CRYBG1: variants seen among roughly 807,000 people sequenced by gnomAD.
CRYBG1 encodes crystallin beta-gamma domain containing 1, also known as beta/gamma crystallin domain-containing protein 1.
CRYBG1 carries 139 observed loss-of-function variants against 189.2 expected under a neutral mutation model. The observed-to-expected ratio is 0.73, with a 90% confidence interval of 0.64 to 0.85. The LOEUF is 0.85. CRYBG1 is among the 40% of genes least tolerant of loss of function. The pLI is 0.00. For missense variants in CRYBG1, 2,611 were observed against 2,675.8 expected, an observed-to-expected ratio of 0.98 and a Z score of 0.53; for synonymous variants, 1,023 against 1,017.1, an observed-to-expected ratio of 1.01 and a Z score of -0.11.
At chr6:106,506,140 C>A (rs544454153) in intron 2 of CRYBG1, among the ~76,000 whole-genome samples, 7 of 152,168 alleles carry the variant, frequency 4.6e-5, no homozygotes, top group South Asian at 2.1e-4. Context: ...AAGTTTTAGG[C>A]AGATAAGATT....
chr6:106,402,758 A>C (rs1421495000), intron 1 of CRYBG1, among the ~76,000 whole-genome samples: 1 of 152,152 alleles, frequency 6.6e-6, no homozygotes, highest in Non-Finnish European at 1.5e-5. Context: ...ACATGTCAGG[A>C]AGGGTGACCC....
intron 1 of CRYBG1, among the ~76,000 whole-genome samples, chr6:106,361,529 C>T (rs1027526339): frequency 2.6e-5 from 4 of 152,044 alleles, no homozygotes; most frequent in Non-Finnish European, 5.9e-5. Context: ...ATGTTATACC[C>T]CCATTCTCCT....
intron 2 of CRYBG1, among the ~76,000 whole-genome samples, chr6:106,471,655 A>G (rs1413131729): frequency 6.6e-6 from 1 of 152,120 alleles, no homozygotes; most frequent in Non-Finnish European, 1.5e-5. Context: ...AGCACTAACA[A>G]CAAGGTGACA....
intron 1 of CRYBG1, among the ~76,000 whole-genome samples, chr6:106,441,581 A>C (rs914912309): frequency 6.6e-6 from 1 of 152,230 alleles, no homozygotes; most frequent in African/African-American, 2.4e-5. Flanking sequence ...ACACCAGTTA[A>C]TTGAACTAAT....
intron 6 of CRYBG1, among the ~76,000 whole-genome samples, chr6:106,526,964 C>G (rs772260670): frequency 9.4e-6 from 1 of 106,838 alleles, no homozygotes; most frequent in Non-Finnish European, 2.0e-5. Flanking sequence ...AAAAAAGAGA[C>G]AAAAAAAAAA....
At chr6:106,376,830 T>C (rs1770173961) in intron 1 of CRYBG1, among the ~76,000 whole-genome samples, 1 of 152,184 alleles carries the variant, frequency 6.6e-6, no homozygotes, top group South Asian at 2.1e-4. Context: ...ACGCTCTTTA[T>C]ATTTTAGGTT....
chr6:106,415,011 T>G (rs990830309), intron 1 of CRYBG1, among the ~76,000 whole-genome samples: 1 of 152,182 alleles, frequency 6.6e-6, no homozygotes, highest in Admixed American at 6.5e-5. Context: ...CCTCTTCTTT[T>G]TTTTCACATA....
intron 19 of CRYBG1, 97 bp from the exon 20 acceptor site, chr6:106,561,245 T>A (rs1436212058): frequency 3.9e-5 from 51 of 1,317,112 alleles, no homozygotes; most frequent in Non-Finnish European, 5.4e-5. Context: ...TTACCCTTAA[T>A]CCATATCTCA....
chr6:106,520,158 G>T lies in CRYBG1; in HGVS notation c.2950G>T (p.Val984Leu). ...CCCAGAGAGCTCTGAAGTTAGAGAA[G>T]TGCAGTTGCCAACTTGTCACAGTAA... ...VIPESSEVREVQLPTCHSNEP... is the reference protein window; with the variant it reads ...VIPESSEVRELQLPTCHSNEP... The change falls in exon 4 of 22, where the codon GTG (valine) becomes TTG (leucine). Residue 984 changes from valine (V) to leucine (L), a missense_variant. Coordinates refer to ENST00000633556, the MANE Select transcript of CRYBG1 (RefSeq NM_001371242.2). 1 of 1,614,134 alleles carries T rather than the reference G, an allele frequency of 6.2e-7. No individual in the cohort carries two copies. Among genetic ancestry groups the T allele is most frequent in the Non-Finnish European group, 8.5e-7 (1 of 1,180,030 alleles).
At chr6:106,556,107 T>C (rs905091803) in intron 17 of CRYBG1, among the ~76,000 whole-genome samples, 8 of 152,204 alleles carry the variant, frequency 5.3e-5, no homozygotes, top group Non-Finnish European at 8.8e-5. Flanking sequence ...AATCCTCATA[T>C]GCATATCCCT....
In CRYBG1 at chr6:106,520,248, C is replaced by T. The variant is rs1474053385; in HGVS notation, c.3040C>T (p.His1014Tyr). The change falls in exon 4 of 22, where the codon CAC becomes TAC. Residue 1014 changes from histidine to tyrosine, a missense_variant. Around this residue, in one of 3 missense-constraint regions of CRYBG1, gnomAD observed 1,622 missense variants for 1,735.0 expected, o/e 0.93. Transcript: ENST00000633556. ...PPQEEVLGNE[H>Y]SHCTAELAAK... ...ACAAGAGGAAGTACTGGGCAATGAA[C>T]ACTCTCATTGCACAGCAGAGCTCGC... 4 of 1,614,040 alleles carry T rather than the reference C, an allele frequency of 2.5e-6. No homozygotes were observed. The African/African-American group carries it at 4.0e-5, about 16-fold the overall frequency.
At chr6:106,558,753 A>G in intron 18 of CRYBG1, 128 bp downstream of exon 18, 2 of 718,108 alleles carry the variant, frequency 2.8e-6, no homozygotes, top group East Asian at 3.1e-5. Context: ...ATTTGAATCC[A>G]GGGATTCAAG....
chr6:106,531,493 C>T (rs1773874281), intron 8 of CRYBG1, among the ~76,000 whole-genome samples: 1 of 152,056 alleles, frequency 6.6e-6, no homozygotes, highest in Non-Finnish European at 1.5e-5. Context: ...GAAGAACTTT[C>T]TGATGGTTAA....
intron 2 of CRYBG1, among the ~76,000 whole-genome samples, chr6:106,504,692 C>T (rs1288110151): frequency 1.3e-5 from 2 of 151,712 alleles, no homozygotes; most frequent in East Asian, 3.9e-4. Context: ...GAACAGGCCA[C>T]ATATATTATC....
chr6:106,559,672 G>A lies in CRYBG1; in HGVS notation c.5855+1047G>A, dbSNP rs915801432. On this transcript the variant is annotated intron_variant, in intron 18 of 21. Coordinates refer to ENST00000633556, the MANE Select transcript of CRYBG1 (RefSeq NM_001371242.2). ...TGGTGGTGGGGCCCCTGTAATCCCA[G>A]CTACTCAGGAGGCTGAGGCAGGAGA... Among the ~76,000 whole-genome samples, 5 of 152,228 alleles carry A rather than the reference G, an allele frequency of 3.3e-5. No individual in the cohort carries two copies. The East Asian group carries it at 9.7e-4, about 29-fold the overall frequency.
At chr6:106,376,872 A>T (rs1770175178) in intron 1 of CRYBG1, among the ~76,000 whole-genome samples, 1 of 152,224 alleles carries the variant, frequency 6.6e-6, no homozygotes, top group Non-Finnish European at 1.5e-5. Flanking sequence ...GATAAAAGAC[A>T]GTTCAGGATT....
chr6:106,443,905 A>G (rs1216095558), intron 1 of CRYBG1, among the ~76,000 whole-genome samples: 2 of 152,136 alleles, frequency 1.3e-5, no homozygotes, highest in African/African-American at 2.4e-5. Context: ...TTTAATGTAC[A>G]ATAAAGTAGT....
intron 2 of CRYBG1, among the ~76,000 whole-genome samples, chr6:106,490,780 A>C (rs148024744): frequency 0.01 from 1,543 of 152,308 alleles, 30 homozygotes; most frequent in African/African-American, 0.035. Context: ...ACCCCTGGCA[A>C]ATTTGGCTAA....
At chr6:106,504,029 G>GAAAAAAAAAA (rs33971164) in intron 2 of CRYBG1, among the ~76,000 whole-genome samples, 3 of 88,550 alleles carry the variant, frequency 3.4e-5, no homozygotes, top group Non-Finnish European at 6.8e-5. Context: ...GACAGCATTA[G>GAAAAAAAAAA]AAAAAAAAAA....
Sources: gnomAD v4.1 joint callset for allele counts (sites outside exome capture counted in the v4.1 genomes callset) on GRCh38, gnomAD v4.1.1 for gene constraint, gnomAD v4.1.1 regional missense constraint, MANE v1.5 for transcripts, NCBI Gene and HGNC (gene_info 2026-07-23, HGNC 2026-07-21) for gene names.